The following MYO1G variants were observed in gnomAD, a reference collection of about 807,000 sequenced individuals.
MYO1G encodes the protein myosin IG, also known as unconventional myosin-Ig.
MYO1G carries 65 observed loss-of-function variants against 115.3 expected under a neutral mutation model. The observed-to-expected ratio is 0.56, with a 90% CI of 0.46 to 0.69. The LOEUF (loss-of-function observed/expected upper bound fraction) is 0.69, where lower values mean the gene tolerates loss of function less well. Ranked by LOEUF, MYO1G falls within the 30% of genes least tolerant of loss-of-function variation. The probability of loss-of-function intolerance (pLI) is 0.00; values close to 1 mark genes in which losing one functional copy is unlikely to be tolerated. For synonymous variants in MYO1G, 510 were observed against 552.6 expected, an observed-to-expected ratio of 0.92 and a Z score of 1.08; for missense variants, 1,204 against 1,393.5, an observed-to-expected ratio of 0.86 and a Z score of 2.16.
chr7:44,969,235 C>T lies in MYO1G; in HGVS notation c.1574+178G>A, dbSNP rs887871053. 3 of 663,674 alleles carry T rather than the reference C, an allele frequency of 4.5e-6. No homozygotes were observed. Among genetic ancestry groups the T allele is most frequent in the Non-Finnish European group, 8.2e-6 (3 of 365,592 alleles). 41.1% of individuals were successfully genotyped at this position (663,674 alleles called of 1,614,324 possible). On this transcript the variant is annotated intron_variant, in intron 12 of 21. Coordinates refer to ENST00000258787, the MANE Select transcript of MYO1G (RefSeq NM_033054.3). The surrounding 1 kb of genome is among the most constrained non-coding windows in gnomAD (Gnocchi z 5.0). ...TAACCACTATCCTCAAACCCTGTTT[C>T]CTGCTCTTCACTTGTGAATCTGCTG...
At chr7:44,965,180 C>T (rs1794818652) in intron 17 of MYO1G, 91 bp from the exon 18 acceptor site, 20 of 1,504,934 alleles carry the variant, frequency 1.3e-5, no homozygotes, top group Non-Finnish European at 1.7e-5. Flanking sequence ...AGCCCTCAGC[C>T]TGGTGCTGCC....
intron 5 of MYO1G, 72 bp from the exon 6 acceptor site, chr7:44,972,297 GAACA>G (rs1794973863): frequency 2.7e-6 from 3 of 1,112,330 alleles, no homozygotes; most frequent in East Asian, 2.4e-5. Flanking sequence ...ACAGGCAGGA[GAACA>G]AACAGACTTG....
chr7:44,967,524 G>T (rs1268061872), intron 14 of MYO1G, 81 bp downstream of exon 14: 2 of 1,555,662 alleles, frequency 1.3e-6, no homozygotes, highest in African/African-American at 1.3e-5. Context: ...GATGTACAGA[G>T]GTGGTTGGGA....
At position 44,963,053 on chromosome 7, in the gene MYO1G, G is replaced by A. The variant is rs1273255112; in HGVS notation, c.2817C>T (p.Leu939=). The A allele has an allele frequency of 2.6e-6, 4 of 1,525,518 alleles. No homozygotes were observed. The highest frequency in any genetic ancestry group is 4.0e-5 in the Admixed American group (2 of 49,782). The allele number at this position is 1,525,518 out of a possible 1,614,324, so 94.5% of individuals were successfully genotyped here. The change falls in exon 21 of 22, where the codon CTC becomes CTT. Residue 939 remains leucine (L), a synonymous_variant. Coordinates refer to ENST00000258787, the MANE Select transcript of MYO1G (RefSeq NM_033054.3). This position sits in a 1 kb window ranked among gnomAD's most constrained non-coding sequence, Gnocchi z 4.1. ...GCCGGGAGCGGTGCAGGCACACCAC[G>A]AGGTCGTCCTGGCCGCGGGCGTGCA... ...VVLHARGQDD[L]VVCLHRSRPP...
At chr7:44,976,492 G>A in intron 3 of MYO1G, 72 bp downstream of exon 3, 1 of 1,456,462 alleles carries the variant, frequency 6.9e-7, no homozygotes, top group Non-Finnish European at 9.6e-7. Context: ...ACTCCCCAGA[G>A]CCAGCCCTTC....
Position 44,978,842 on chromosome 7 carries a change from C to G in MYO1G, c.95+25G>C, listed in dbSNP as rs201038277. On this transcript the variant is annotated intron_variant, in intron 1 of 21. Coordinates refer to ENST00000258787, the MANE Select transcript of MYO1G (RefSeq NM_033054.3). ...GGTGGGAGACCCTGGAGGAGGGGAG[C>G]CACTGCCTCCTGCCCTGGGCCTACC... is the stretch of plus-strand genomic sequence containing the variant. The G allele has an allele frequency of 6.8e-4, 1,081 of 1,599,436 alleles. 2 individuals carry two copies. Among genetic ancestry groups the G allele is most frequent in the Admixed American group, 8.7e-4 (52 of 59,976 alleles).
At position 44,970,106 on chromosome 7, in the gene MYO1G, T is replaced by C. The variant is rs1794927019; in HGVS notation, c.1266A>G (p.Leu422=). ...INYCNEKLQQ[L]FIQLILKQEQ... ...CCTGCTTCAGGATGAGCTGGATGAATAGCTGCTGCAGCTTCTCGTTGCAGT... is the reference window on the plus strand; with the variant it reads ...CCTGCTTCAGGATGAGCTGGATGAACAGCTGCTGCAGCTTCTCGTTGCAGT... Residue 422 remains leucine (L), a synonymous_variant, in exon 10 of 22, where the codon CTA becomes CTG. Coordinates refer to ENST00000258787, the MANE Select transcript of MYO1G (RefSeq NM_033054.3). 3.7e-6 allele frequency: 6 copies of C among 1,614,090 alleles called. No individual in the cohort carries two copies. The highest frequency in any genetic ancestry group is 5.1e-6 in the Non-Finnish European group (6 of 1,180,016).
chr7:44,971,511 A>C (rs571790292), intron 7 of MYO1G, among the ~76,000 whole-genome samples, 162 bp downstream of exon 7: 1 of 152,186 alleles, frequency 6.6e-6, no homozygotes, highest in South Asian at 2.1e-4. Context: ...CCATGTATCA[A>C]CTGAGCTCAT....
chr7:44,976,555 G>A lies in MYO1G; in HGVS notation c.398+9C>T, dbSNP rs1795052328. 5.0e-6 allele frequency: 8 copies of A among 1,613,194 alleles called. No homozygotes were observed. The highest frequency in any genetic ancestry group is 6.8e-6 in the Non-Finnish European group (8 of 1,179,204). On this transcript the variant is annotated intron_variant, in intron 3 of 21. Transcript: ENST00000258787. The stretch of plus-strand genomic sequence containing the variant: ...ATGCTGAGGCCCAGAGCTGCCCATT[G>A]CCACTCACCTCTCCACCTCAGCCCT...
chr7:44,966,688 AG>A lies in MYO1G; in HGVS notation c.1932del (p.Ser645LeufsTer9), dbSNP rs1794851547. ...RRAGFASRQP[Y>X]SRFLLRYKMT... is the part of the protein sequence containing the mutation. ...TGCCAGTACCTGAGCAGGAATCGAG[AG>A]TAGGGCTGGCGGGAAGCGAAGCCAG... On this transcript the variant is annotated frameshift_variant, in exon 15 of 22. Coordinates refer to ENST00000258787, the MANE Select transcript of MYO1G (RefSeq NM_033054.3). LOFTEE classifies it high-confidence loss of function. This position sits in a 1 kb window ranked among gnomAD's most constrained non-coding sequence, Gnocchi z 5.0. 1 of 1,613,102 alleles carries A rather than the reference AG, an allele frequency of 6.2e-7. No homozygotes were observed. The highest frequency in any genetic ancestry group is 8.5e-7 in the Non-Finnish European group (1 of 1,180,008).
At chr7:44,976,307 G>A (rs1795048186) in intron 3 of MYO1G, among the ~76,000 whole-genome samples, 1 of 152,162 alleles carries the variant, frequency 6.6e-6, no homozygotes, top group South Asian at 2.1e-4. Context: ...TCCTACCTGT[G>A]GCTGCTGCCT....
Position 44,966,435 on chromosome 7 carries a change from T to G in MYO1G, c.1950-155A>C. On this transcript the variant is annotated intron_variant, in intron 15 of 21. Transcript: ENST00000258787. This position sits in a 1 kb window ranked among gnomAD's most constrained non-coding sequence, Gnocchi z 5.0. ...GCACATATGTCTTCCCATACACATG[T>G]CCTCACATACATGTCCTCACACAGC... The G allele has an allele frequency of 1.2e-6, 1 of 825,170 alleles. No homozygotes were observed. Among genetic ancestry groups the G allele is most frequent in the Non-Finnish European group, 2.0e-6 (1 of 497,658 alleles). The allele number at this position is 825,170 out of a possible 1,614,324, so 51.1% of individuals were successfully genotyped here. A position where few individuals can be genotyped will look rare whatever the true frequency, so the allele number is the denominator to read the frequency against.
intron 4 of MYO1G, 52 bp downstream of exon 4, chr7:44,975,432 A>G: frequency 6.4e-7 from 1 of 1,574,752 alleles, no homozygotes; most frequent in Non-Finnish European, 8.7e-7. Context: ...CAGGCCTGGG[A>G]TGGGTCTCGG....
intron 6 of MYO1G, among the ~76,000 whole-genome samples, 158 bp downstream of exon 6, chr7:44,971,957 C>T (rs946964673): frequency 3.3e-5 from 5 of 152,150 alleles, no homozygotes; most frequent in Admixed American, 2.6e-4. Context: ...CACTCTGTCC[C>T]CTCCATCAGC....
At position 44,964,286 on chromosome 7, in the gene MYO1G, TG is replaced by T; in HGVS notation, c.2632-125del. On this transcript the variant is annotated intron_variant, in intron 19 of 21. Transcript: ENST00000258787. This position sits in a 1 kb window ranked among gnomAD's most constrained non-coding sequence, Gnocchi z 5.1. ...CAGTTTTGGGAGTGTCAGGAGCAGC[TG>T]GGCCTGGGCTGGGGTTGCCTCCATT... 7.8e-7 allele frequency: 1 copy of T among 1,281,334 alleles called. No homozygotes were observed. 79.4% of individuals were successfully genotyped at this position (1,281,334 alleles called of 1,614,324 possible).
In MYO1G at chr7:44,977,125, G is replaced by GC. The variant is rs1164540874; in HGVS notation, c.96-55dup. ...CTCACAGGCTTACAGGCACCCACAG[G>GC]CCTTTCGCCAGAGCCCATATCAGGG... On this transcript the variant is annotated intron_variant, in intron 1 of 21. Transcript: ENST00000258787. 155 of 1,562,114 alleles carry GC rather than the reference G, an allele frequency of 9.9e-5. 1 individual carries two copies. In the South Asian group the frequency reaches 1.7e-3, roughly 18 times the overall value.
chr7:44,967,890 T>G lies in MYO1G; in HGVS notation c.1643A>C (p.Tyr548Ser). 1 of 1,613,976 alleles carries G rather than the reference T, an allele frequency of 6.2e-7. No homozygotes were observed. The highest frequency in any genetic ancestry group is 8.5e-7 in the Non-Finnish European group (1 of 1,180,016). The change falls in exon 13 of 22, where the codon TAC becomes TCC. Residue 548 changes from tyrosine to serine, a missense_variant. By Grantham distance (144) the Tyr-to-Ser change is moderately radical (BLOSUM62 -2). Coordinates refer to ENST00000258787, the MANE Select transcript of MYO1G (RefSeq NM_033054.3). Reference protein sequence around the residue: ...FLFQDFKRLLYNSTDPTLRAM... With the variant: ...FLFQDFKRLLSNSTDPTLRAM... ...CCCAGCAAGCCGTGCTCACCTGTTG[T>G]ACAGCAGCCGCTTGAAGTCCTGGAA...
At position 44,967,831 on chromosome 7, in the gene MYO1G, C is replaced by G; in HGVS notation, c.1649+53G>C. 1.9e-6 allele frequency: 3 copies of G among 1,612,778 alleles called. 1 individual carries two copies. In the South Asian group the frequency reaches 3.3e-5, roughly 18 times the overall value. Reference sequence around the variant, plus strand: ...TAGTCAATGCCTGACCCCAGAGTCTCTGGGGCCCCAGGGCCCTGGCCCTCC... The same window carrying G: ...TAGTCAATGCCTGACCCCAGAGTCTGTGGGGCCCCAGGGCCCTGGCCCTCC... On this transcript the variant is annotated intron_variant, in intron 13 of 21. Coordinates refer to ENST00000258787, the MANE Select transcript of MYO1G (RefSeq NM_033054.3).
chr7:44,964,344 C>T lies in MYO1G; in HGVS notation c.2631+71G>A. ...CAAGTGCCCCCCCAAAACTCTGCAC[C>T]AGCTTCTAACCTTGCAGACGTGGCT... is the stretch of plus-strand genomic sequence containing the variant. On this transcript the variant is annotated intron_variant, in intron 19 of 21. Transcript: ENST00000258787. This position sits in a 1 kb window ranked among gnomAD's most constrained non-coding sequence, Gnocchi z 5.1. 4 of 1,485,308 alleles carry T rather than the reference C, an allele frequency of 2.7e-6. No individual in the cohort carries two copies. The highest frequency in any genetic ancestry group is 3.8e-6 in the Non-Finnish European group (4 of 1,064,334). The allele number at this position is 1,485,308 out of a possible 1,614,324, so 92.0% of individuals were successfully genotyped here.
Sources: allele counts gnomAD v4.1 joint callset (sites outside exome capture counted in the v4.1 genomes callset), GRCh38; gene constraint gnomAD v4.1.1; non-coding constraint Gnocchi (gnomAD v3.1); transcripts MANE v1.5; gene names NCBI Gene and HGNC (gene_info 2026-07-23, HGNC 2026-07-21).